Variants in MACF1 observed in about 807,000 individuals in gnomAD.
The protein encoded by MACF1 is microtubule-actin cross-linking factor 1.
A neutral mutation model predicts 854.8 loss-of-function variants in MACF1; 193 were observed. The observed-to-expected ratio is 0.23, with a 90% CI of 0.20 to 0.25. The LOEUF (loss-of-function observed/expected upper bound fraction) is 0.25, where lower values mean the gene tolerates loss of function less well. Among genes scored for constraint, MACF1 ranks in the 10% least tolerant of loss-of-function variants. MACF1 has a pLI of 1.00. For missense variants in MACF1, 7,722 were observed against 8,929.1 expected, an observed-to-expected ratio of 0.86 and a Z score of 5.45; for synonymous variants, 3,185 against 3,226.7, an observed-to-expected ratio of 0.99 and a Z score of 0.44.
intron 1 of MACF1, among the ~76,000 whole-genome samples, chr1:39,211,666 A>AT (rs1198259826): frequency 1.3e-5 from 2 of 152,086 alleles, no homozygotes; most frequent in African/African-American, 4.8e-5. Flanking sequence ...GTGGATCATG[A>AT]GGTCAGGAGC....
chr1:39,178,921 T>A (rs1644068245), intron 2 of MACF1, among the ~76,000 whole-genome samples: 1 of 152,250 alleles, frequency 6.6e-6, no homozygotes, highest in African/African-American at 2.4e-5. Context: ...AGCCGCCTCT[T>A]GATGGTCTCT....
chr1:39,385,381 A>G, intron 56 of MACF1, 53 bp from the exon 57 acceptor site: 1 of 1,583,880 alleles, frequency 6.3e-7, no homozygotes, highest in Admixed American at 1.7e-5. Context: ...CACTGCTTTT[A>G]GATAGATCTG....
chr1:39,483,772 T>C (rs770344423), intron 99 of MACF1, among the ~76,000 whole-genome samples: 19 of 152,192 alleles, frequency 1.2e-4, no homozygotes, highest in Non-Finnish European at 2.5e-4. Flanking sequence ...GTTTATTTGA[T>C]CCACAAGTTA....
intron 58 of MACF1, among the ~76,000 whole-genome samples, chr1:39,394,290 G>A (rs1057380774): frequency 7.2e-5 from 11 of 152,248 alleles, no homozygotes; most frequent in African/African-American, 2.2e-4. Context: ...TTGCCACATA[G>A]AAAGCAAGCT....
chr1:39,287,724 C>G (rs1334082957), intron 15 of MACF1, 162 bp downstream of exon 15: 1 of 755,594 alleles, frequency 1.3e-6, no homozygotes, highest in Non-Finnish European at 2.1e-6. Flanking sequence ...CCAGGCTGGA[C>G]TGGAACTCCT....
At chr1:39,263,945 T>G (rs562206172) in intron 6 of MACF1, among the ~76,000 whole-genome samples, 42 of 151,988 alleles carry the variant, frequency 2.8e-4, no homozygotes, top group African/African-American at 9.6e-4. Context: ...GGCTAATTTT[T>G]TGTATTTTTA....
intron 2 of MACF1, among the ~76,000 whole-genome samples, chr1:39,090,433 G>A (rs1030545612): frequency 5.3e-5 from 8 of 152,222 alleles, no homozygotes; most frequent in African/African-American, 1.9e-4. Context: ...TTAGCTGTGG[G>A]CTGGAACATG....
chr1:39,300,232 A>G lies in MACF1; in HGVS notation c.2504A>G (p.Gln835Arg). ...DSMDEKEQLI[Q>R]SKSSVASLVG... The stretch of plus-strand genomic sequence containing the variant: ...TAGGATGAAAAGGAGCAGCTTATAC[A>G]GTCCAAGAGTTCCGTTGCCAGTCTC... The change falls in exon 22 of 101, where the codon CAG (glutamine) becomes CGG (arginine). Residue 835 changes from glutamine to arginine, a missense_variant. Transcript: ENST00000564288. 1 of 1,613,990 alleles carries G rather than the reference A, an allele frequency of 6.2e-7. No individual in the cohort carries two copies. The highest frequency in any genetic ancestry group is 8.5e-7 in the Non-Finnish European group (1 of 1,179,970).
chr1:39,350,287 G>A (rs1036589125), intron 42 of MACF1, among the ~76,000 whole-genome samples: 5 of 152,166 alleles, frequency 3.3e-5, no homozygotes, highest in Non-Finnish European at 7.3e-5. Flanking sequence ...AGGTGGGTAT[G>A]GTATTGAGCA....
chr1:39,277,069 A>G (rs1462549475), intron 6 of MACF1, among the ~76,000 whole-genome samples: 1 of 152,124 alleles, frequency 6.6e-6, no homozygotes, highest in Non-Finnish European at 1.5e-5. Flanking sequence ...CCTTAACATT[A>G]AAATTTTTTT....
In MACF1 at chr1:39,444,642, T is replaced by C. The variant is rs1341939235; in HGVS notation, c.19432-20T>C. The C allele has an allele frequency of 3.1e-6, 5 of 1,598,502 alleles. No homozygotes were observed. Among genetic ancestry groups the C allele is most frequent in the Non-Finnish European group, 4.3e-6 (5 of 1,169,422 alleles). ...CCAGAGAATTCGTAGAATTGATATC[T>C]TTCCTGCCTTTTCTTGTAGGAACTC... is the stretch of plus-strand genomic sequence containing the variant. On this transcript the variant is annotated intron_variant, in intron 79 of 100. Coordinates refer to ENST00000564288, the MANE Select transcript of MACF1 (RefSeq NM_001394062.1).
intron 6 of MACF1, among the ~76,000 whole-genome samples, chr1:39,275,384 T>A (rs1057048134): frequency 5.3e-5 from 8 of 152,092 alleles, no homozygotes; most frequent in Non-Finnish European, 7.4e-5. Context: ...CCTGTAATTT[T>A]TTTTAAAGAG....
chr1:39,301,834 T>C (rs1181148032), intron 22 of MACF1, among the ~76,000 whole-genome samples: 1 of 152,224 alleles, frequency 6.6e-6, no homozygotes, highest in African/African-American at 2.4e-5. Flanking sequence ...CTTTAAGTTC[T>C]TGAGTAATCT....
intron 50 of MACF1, among the ~76,000 whole-genome samples, chr1:39,369,408 G>A (rs1323336862): frequency 6.6e-6 from 1 of 152,160 alleles, no homozygotes; most frequent in East Asian, 1.9e-4. Flanking sequence ...ATTAGCAGCA[G>A]GTTATCTAAT....
chr1:39,119,645 T>C (rs1185951849), intron 2 of MACF1, among the ~76,000 whole-genome samples: 2 of 152,122 alleles, frequency 1.3e-5, no homozygotes, highest in African/African-American at 4.8e-5. Flanking sequence ...CCACAGATGT[T>C]GCATACTTGA....
chr1:39,326,401 C>T (rs1265267490), intron 35 of MACF1, among the ~76,000 whole-genome samples: 1 of 152,148 alleles, frequency 6.6e-6, no homozygotes, highest in Non-Finnish European at 1.5e-5. Flanking sequence ...TCTAAAGCGG[C>T]CAGGTGCGGT....
chr1:39,280,184 C>T (rs1420342611), intron 6 of MACF1, among the ~76,000 whole-genome samples: 3 of 152,138 alleles, frequency 2.0e-5, no homozygotes, highest in South Asian at 2.1e-4. Flanking sequence ...AGGTGTGAGC[C>T]ACTGTGCCCA....
chr1:39,313,317 C>T (rs1646340599), intron 26 of MACF1, among the ~76,000 whole-genome samples: 1 of 152,084 alleles, frequency 6.6e-6, no homozygotes, highest in African/African-American at 2.4e-5. Flanking sequence ...ACTGAGTATC[C>T]TATGGGGAGG....
Position 39,437,898 on chromosome 1 carries a change from G to A in MACF1, c.18110G>A (p.Ser6037Asn), listed in dbSNP as rs1315393672. The part of the protein sequence containing the change: ...KIRECISDNK[S>N]ATVELEKLQP... ...AGAGAGTGCATCAGTGACAATAAGA[G>A]TGCCACCGTGGAGCTAGAAAAACTG... is the stretch of plus-strand genomic sequence containing the variant. The change falls in exon 71 of 101, where the codon AGT (serine) becomes AAT (asparagine). Residue 6037 changes from serine (S) to asparagine (N), a missense_variant. Physicochemically the swap from Ser to Asn is conservative, Grantham distance 46. Coordinates refer to ENST00000564288, the MANE Select transcript of MACF1 (RefSeq NM_001394062.1). The A allele has an allele frequency of 4.3e-6, 7 of 1,614,002 alleles. No individual in the cohort carries two copies. In the South Asian group the frequency reaches 7.7e-5, roughly 18 times the overall value.
Sources: gnomAD v4.1 joint callset for allele counts (sites outside exome capture counted in the v4.1 genomes callset) on GRCh38, gnomAD v4.1.1 for gene constraint, MANE v1.5 for transcripts, NCBI Gene and HGNC (gene_info 2026-07-23, HGNC 2026-07-21) for gene names.